CDYL2: variants seen among roughly 807,000 people sequenced by gnomAD.
CDYL2 encodes the protein chromodomain Y-like protein 2.
A neutral mutation model predicts 49.4 loss-of-function variants in CDYL2; 23 were observed. The ratio of observed to expected loss-of-function variants is 0.47; its 90% CI spans 0.34 to 0.66. The LOEUF (loss-of-function observed/expected upper bound fraction) is 0.66. Ranked by LOEUF, CDYL2 falls within the 30% of genes least tolerant of loss-of-function variation. The probability of loss-of-function intolerance (pLI) is 0.01; values close to 1 mark genes in which losing one functional copy is unlikely to be tolerated. For synonymous variants in CDYL2, 360 were observed against 268.8 expected (o/e 1.34, Z -3.32); for missense variants, 678 against 656.4 (o/e 1.03, Z -0.36).
At chr16:80,765,728 CAAAAA>C (rs35740729) in intron 1 of CDYL2, among the ~76,000 whole-genome samples, 3 of 55,196 alleles carry the variant, frequency 5.4e-5, no homozygotes, top group Middle Eastern at 0.014. Flanking sequence ...GTATTAATCG[CAAAAA>C]AAAAAAAAAA....
chr16:80,598,342 C>T lies in CDYL2; in HGVS notation c.*6046G>A, dbSNP rs1459722733. Reference sequence around the variant, plus strand: ...GGTGGGCTGGATAAGTTTTTGGTAGCCTGCTTCATTATCGGAAGTTTGGTA... The same window carrying T: ...GGTGGGCTGGATAAGTTTTTGGTAGTCTGCTTCATTATCGGAAGTTTGGTA... On this transcript the variant is annotated 3_prime_UTR_variant, in exon 7 of 7. Transcript: ENST00000570137. 6.6e-6 allele frequency: 1 copy of T among 151,910 alleles called. No individual in the cohort carries two copies. The highest frequency in any genetic ancestry group is 1.9e-4 in the East Asian group (1 of 5,164). The allele number at this position is 151,910 out of a possible 1,614,324, so 9.4% of individuals were successfully genotyped here. A position where few individuals can be genotyped will look rare whatever the true frequency, so the allele number is the denominator to read the frequency against.
At chr16:80,728,819 T>G (rs1905243019) in intron 1 of CDYL2, among the ~76,000 whole-genome samples, 1 of 151,768 alleles carries the variant, frequency 6.6e-6, no homozygotes. Context: ...AGAAAAGAAT[T>G]TTCAACCCAG....
At chr16:80,677,188 T>TCATGAACTCCTGGG (rs1909785735) in intron 2 of CDYL2, among the ~76,000 whole-genome samples, 2 of 151,610 alleles carry the variant, frequency 1.3e-5, no homozygotes, top group Admixed American at 1.3e-4. Context: ...CCCAGGCTGG[T>TCATGAACTCCTGGG]CTTGAACTCC....
At position 80,678,055 on chromosome 16, in the gene CDYL2, C is replaced by T. The variant is rs1050708171; in HGVS notation, c.616+6483G>A. Among the ~76,000 whole-genome samples the T allele has an allele frequency of 4.4e-3, 674 of 152,002 alleles. 6 individuals carry two copies. Among genetic ancestry groups the T allele is most frequent in the African/African-American group, 0.016 (654 of 41,494 alleles). On this transcript the variant is annotated intron_variant, in intron 2 of 6. Transcript: ENST00000570137. ...AATGGTGCTGGGAAAACTGGCTAGC[C>T]ATATGTAGAAAGCTGAAACTGGATC...
chr16:80,729,701 G>A (rs1266312053), intron 1 of CDYL2, among the ~76,000 whole-genome samples: 1 of 152,144 alleles, frequency 6.6e-6, no homozygotes, highest in Admixed American at 6.5e-5. Context: ...ATAGTTGGAA[G>A]TAAAGCTCTC....
chr16:80,683,875 G>A (rs1910067106), intron 2 of CDYL2, among the ~76,000 whole-genome samples: 2 of 152,198 alleles, frequency 1.3e-5, no homozygotes, highest in Admixed American at 1.3e-4. Context: ...TGGACTTCTA[G>A]CCTTCAGAAT....
intron 1 of CDYL2, among the ~76,000 whole-genome samples, chr16:80,776,468 A>C (rs1321830238): frequency 1.3e-5 from 2 of 152,042 alleles, no homozygotes. Flanking sequence ...TGTAATATCA[A>C]AGCATGAAAC....
chr16:80,757,963 G>C (rs1181375799), intron 1 of CDYL2, among the ~76,000 whole-genome samples: 1 of 152,022 alleles, frequency 6.6e-6, no homozygotes, highest in Non-Finnish European at 1.5e-5. Context: ...GGCTAGTGTA[G>C]TCAATAAAAC....
At chr16:80,688,613 C>A (rs189537022) in intron 1 of CDYL2, among the ~76,000 whole-genome samples, 1 of 152,174 alleles carries the variant, frequency 6.6e-6, no homozygotes, top group Admixed American at 6.5e-5. Flanking sequence ...ACTGGAATAA[C>A]CACAAAAAAC....
At chr16:80,774,496 A>G (rs1172654246) in intron 1 of CDYL2, among the ~76,000 whole-genome samples, 1 of 152,110 alleles carries the variant, frequency 6.6e-6, no homozygotes, top group Non-Finnish European at 1.5e-5. Flanking sequence ...CACTGTGACC[A>G]CTGTTAATAA....
At chr16:80,615,224 T>G (rs1194427749) in intron 4 of CDYL2, among the ~76,000 whole-genome samples, 1 of 152,182 alleles carries the variant, frequency 6.6e-6, no homozygotes, top group Non-Finnish European at 1.5e-5. Context: ...CATCACTCAC[T>G]TCCTAACCTA....
chr16:80,719,897 G>T (rs1485708131), intron 1 of CDYL2, among the ~76,000 whole-genome samples: 1 of 152,128 alleles, frequency 6.6e-6, no homozygotes, highest in African/African-American at 2.4e-5. Flanking sequence ...GTCCAACCCT[G>T]GCCCTCCCCT....
chr16:80,695,840 A>C (rs908697904), intron 1 of CDYL2, among the ~76,000 whole-genome samples: 1 of 152,234 alleles, frequency 6.6e-6, no homozygotes, highest in African/African-American at 2.4e-5. Flanking sequence ...AGCACGAGAC[A>C]GATCAAGCAG....
intron 1 of CDYL2, among the ~76,000 whole-genome samples, chr16:80,742,550 G>T (rs1219187371): frequency 6.6e-6 from 1 of 151,558 alleles, no homozygotes; most frequent in Non-Finnish European, 1.5e-5. Flanking sequence ...GAGTAGGTGG[G>T]TTGGGATGAA....
chr16:80,775,805 T>C (rs960240115), intron 1 of CDYL2, among the ~76,000 whole-genome samples: 1 of 151,598 alleles, frequency 6.6e-6, no homozygotes, highest in African/African-American at 2.4e-5. Flanking sequence ...ATTTACTTGA[T>C]ATAGTACTTA....
At position 80,632,957 on chromosome 16, in the gene CDYL2, C is replaced by T; in HGVS notation, c.834+62G>A. The T allele has an allele frequency of 5.3e-6, 8 of 1,496,548 alleles. No homozygotes were observed. The South Asian group carries it at 8.0e-5, about 15-fold the overall frequency. 92.7% of individuals were successfully genotyped at this position (1,496,548 alleles called of 1,614,324 possible). On this transcript the variant is annotated intron_variant, in intron 3 of 6. Transcript: ENST00000570137. ...TGGAAGGAAGGAGAAAGCCAATATTCCATTCTGAGTGAGAAGGAGCCACAG... is the reference window on the plus strand; with the variant it reads ...TGGAAGGAAGGAGAAAGCCAATATTTCATTCTGAGTGAGAAGGAGCCACAG...
At position 80,685,169 on chromosome 16, in the gene CDYL2, G is replaced by A. The variant is rs771804244; in HGVS notation, c.25-40C>T. 17 of 1,528,778 alleles carry A rather than the reference G, an allele frequency of 1.1e-5. No individual in the cohort carries two copies. The Middle Eastern group carries it at 5.2e-4, about 47-fold the overall frequency. 94.7% of individuals were successfully genotyped at this position (1,528,778 alleles called of 1,614,324 possible). A position where few individuals can be genotyped will look rare whatever the true frequency, so the allele number is the denominator to read the frequency against. On this transcript the variant is annotated intron_variant, in intron 1 of 6. Coordinates refer to ENST00000570137, the MANE Select transcript of CDYL2 (RefSeq NM_152342.4). ...GAGAGGGTCAGAAAACAGAGAGAGA[G>A]GGAGGAAAAAACTCAGTTCGAGGCA...
chr16:80,772,512 G>A (rs567013295), intron 1 of CDYL2, among the ~76,000 whole-genome samples: 2 of 152,276 alleles, frequency 1.3e-5, no homozygotes, highest in Admixed American at 1.3e-4. Context: ...GAATGCAGTG[G>A]CATGATCTCG....
intron 2 of CDYL2, among the ~76,000 whole-genome samples, chr16:80,671,699 A>C (rs989541961): frequency 1.3e-5 from 2 of 152,236 alleles, no homozygotes; most frequent in Non-Finnish European, 2.9e-5. Context: ...AAATGCAAAT[A>C]AACGATACCG....
Sources: gnomAD v4.1 joint callset for allele counts (sites outside exome capture counted in the v4.1 genomes callset) on GRCh38, gnomAD v4.1.1 for gene constraint, MANE v1.5 for transcripts, NCBI Gene and HGNC (gene_info 2026-07-23, HGNC 2026-07-21) for gene names.